The following BTBD10 variants were observed in gnomAD, a reference collection of about 807,000 sequenced individuals.
The protein encoded by BTBD10 is BTB domain containing 10, also known as BTB/POZ domain-containing protein 10.
BTBD10 carries 21 observed loss-of-function variants against 53.2 expected under a neutral mutation model. That is an observed-to-expected ratio of 0.39 (90% CI 0.28 to 0.57). The LOEUF (loss-of-function observed/expected upper bound fraction) is 0.57. Ranked by LOEUF, BTBD10 falls within the 20% of genes least tolerant of loss-of-function variation. BTBD10 has a pLI of 0.53. For missense variants in BTBD10, 360 were observed against 594.7 expected (o/e 0.61, Z 4.10); for synonymous variants, 149 against 192.7 (o/e 0.77, Z 1.88).
intron 5 of BTBD10, 114 bp from the exon 6 acceptor site, chr11:13,413,764 TCTG>T: frequency 1.0e-6 from 1 of 999,226 alleles, no homozygotes. Context: ...CTCTGACATC[TCTG>T]AAATGTGGAA....
chr11:13,420,222 T>C (rs1950216230), intron 3 of BTBD10, among the ~76,000 whole-genome samples: 1 of 152,064 alleles, frequency 6.6e-6, no homozygotes, highest in Non-Finnish European at 1.5e-5. Context: ...ACTACGTTAA[T>C]AAGGGCATTC....
At chr11:13,430,060 C>CTGATTT (rs1242249722) in intron 2 of BTBD10, among the ~76,000 whole-genome samples, 3 of 152,004 alleles carry the variant, frequency 2.0e-5, no homozygotes, top group African/African-American at 7.3e-5. Flanking sequence ...GAGTCATGGT[C>CTGATTT]ATCATGCTAC....
intron 6 of BTBD10, among the ~76,000 whole-genome samples, chr11:13,411,368 G>A (rs1295190491): frequency 6.6e-6 from 1 of 151,942 alleles, no homozygotes; most frequent in Non-Finnish European, 1.5e-5. Context: ...TTCAGCAAAG[G>A]CATATATTTG....
chr11:13,399,366 C>T (rs992615183), intron 8 of BTBD10, among the ~76,000 whole-genome samples: 4 of 152,210 alleles, frequency 2.6e-5, no homozygotes, highest in African/African-American at 9.6e-5. Context: ...GCATTCGTCA[C>T]GTAGTTCTCG....
chr11:13,403,336 T>A, intron 7 of BTBD10, 58 bp from the exon 8 acceptor site: 1 of 974,914 alleles, frequency 1.0e-6, no homozygotes, highest in Non-Finnish European at 1.5e-6. Context: ...GAGATGAACT[T>A]AAATTTATCT....
At chr11:13,459,600 T>C (rs1247305501) in intron 1 of BTBD10, 1 of 152,164 alleles carries the variant, frequency 6.6e-6, no homozygotes, top group Non-Finnish European at 1.5e-5. Flanking sequence ...AAACAGATGA[T>C]GGTAAAAATA....
At chr11:13,449,319 T>C (rs1950808188) in intron 1 of BTBD10, among the ~76,000 whole-genome samples, 1 of 152,174 alleles carries the variant, frequency 6.6e-6, no homozygotes, top group African/African-American at 2.4e-5. Flanking sequence ...GTTTATATAT[T>C]TTCTCCTACT....
At chr11:13,394,481 A>G (rs1446938855) in intron 8 of BTBD10, among the ~76,000 whole-genome samples, 1 of 152,134 alleles carries the variant, frequency 6.6e-6, no homozygotes, top group Non-Finnish European at 1.5e-5. Context: ...AAGCCTGCGG[A>G]ATTGTGCACC....
chr11:13,420,389 CAT>C, intron 3 of BTBD10, among the ~76,000 whole-genome samples: 1 of 151,792 alleles, frequency 6.6e-6, no homozygotes, highest in Admixed American at 6.6e-5. Context: ...GTTTTCTTCT[CAT>C]GTTTGTTGAA....
intron 8 of BTBD10, among the ~76,000 whole-genome samples, chr11:13,393,641 T>G (rs764748859): frequency 6.6e-6 from 1 of 152,112 alleles, no homozygotes; most frequent in Non-Finnish European, 1.5e-5. Flanking sequence ...TAGAAGCAGT[T>G]ATTGAAAAAA....
chr11:13,403,418 C>G (rs1170197512), intron 7 of BTBD10, 140 bp from the exon 8 acceptor site: 1 of 483,354 alleles, frequency 2.1e-6, no homozygotes, highest in Non-Finnish European at 3.6e-6. Flanking sequence ...GATGACTAGC[C>G]AACATGACAG....
chr11:13,418,988 TTTTAA>T (rs941495837), intron 4 of BTBD10, among the ~76,000 whole-genome samples: 25 of 148,842 alleles, frequency 1.7e-4, no homozygotes, highest in African/African-American at 5.2e-4. Context: ...TTTTTTTTTT[TTTTAA>T]AAGTATCTAC....
chr11:13,405,784 AG>A lies in BTBD10; in HGVS notation c.880del (p.Leu294SerfsTer5). 6.2e-7 allele frequency: 1 copy of A among 1,613,802 alleles called. No homozygotes were observed. Among genetic ancestry groups the A allele is most frequent in the Non-Finnish European group, 8.5e-7 (1 of 1,179,760 alleles). On this transcript the variant is annotated frameshift_variant, in exon 7 of 9. Coordinates refer to ENST00000278174, the MANE Select transcript of BTBD10 (RefSeq NM_032320.7). LOFTEE classifies it high-confidence loss of function. The part of the protein sequence containing the change: ...QFEFYLEEMI[L>X]PLMVASAQSG... The stretch of plus-strand genomic sequence containing the variant: ...CTGGGCACTAGCTACCATGAGAGGG[AG>A]GATCATTTCTTCCAGATAAAATTCA...
intron 6 of BTBD10, among the ~76,000 whole-genome samples, chr11:13,408,739 C>A (rs1456057556): frequency 6.6e-6 from 1 of 152,130 alleles, no homozygotes; most frequent in African/African-American, 2.4e-5. Context: ...ATCTGAACAT[C>A]CCATATACCC....
chr11:13,429,098 A>G lies in BTBD10; in HGVS notation c.102-7260T>C, dbSNP rs370941604. Among the ~76,000 whole-genome samples the G allele has an allele frequency of 2.6e-5, 4 of 152,174 alleles. No homozygotes were observed. The East Asian group carries it at 5.8e-4, about 22-fold the overall frequency. ...CACATTGGCAAAACCTGAAATACTT[A>G]GGGATAAATATGACAAAAGATGTGA... On this transcript the variant is annotated intron_variant, in intron 2 of 8. Coordinates refer to ENST00000278174, the MANE Select transcript of BTBD10 (RefSeq NM_032320.7).
intron 2 of BTBD10, among the ~76,000 whole-genome samples, chr11:13,432,898 T>C (rs1255181225): frequency 2.0e-5 from 3 of 151,730 alleles, no homozygotes; most frequent in African/African-American, 4.8e-5. Context: ...ACAGAGAAAA[T>C]AGAGGGGAGC....
At chr11:13,400,529 C>T (rs1056397878) in intron 8 of BTBD10, among the ~76,000 whole-genome samples, 17 of 152,202 alleles carry the variant, frequency 1.1e-4, no homozygotes, top group South Asian at 8.3e-4. Context: ...CTTCGGCTCA[C>T]GCACGGTGCG....
At chr11:13,406,428 T>C (rs1163307229) in intron 6 of BTBD10, among the ~76,000 whole-genome samples, 1 of 152,134 alleles carries the variant, frequency 6.6e-6, no homozygotes, top group African/African-American at 2.4e-5. Flanking sequence ...TGCACTGCTT[T>C]TTTCTTTTAT....
intron 2 of BTBD10, among the ~76,000 whole-genome samples, chr11:13,429,991 G>A (rs1442283018): frequency 2.0e-5 from 3 of 151,744 alleles, no homozygotes; most frequent in Non-Finnish European, 4.4e-5. Context: ...CTGTGGTTCC[G>A]GCTACTTGAG....
Sources: gnomAD v4.1 joint callset for allele counts (sites outside exome capture counted in the v4.1 genomes callset) on GRCh38, gnomAD v4.1.1 for gene constraint, MANE v1.5 for transcripts, NCBI Gene and HGNC (gene_info 2026-07-23, HGNC 2026-07-21) for gene names.